The following ZNF678 variants were observed in gnomAD, a reference collection of about 807,000 sequenced individuals.
ZNF678 encodes zinc finger protein 678.
ZNF678 carries 5 observed loss-of-function variants against 3.0 expected under a neutral mutation model. The ratio of observed to expected loss-of-function variants is 1.69; its 90% confidence interval spans 0.88 to 3.56. ZNF678 has a LOEUF of 3.56. ZNF678 is among the 30% of genes most tolerant of loss of function. The pLI is 0.00. For missense variants in ZNF678, 593 were observed against 605.0 expected (o/e 0.98, Z 0.21); for synonymous variants, 218 against 199.6 (o/e 1.09, Z -0.78).
intron 5 of ZNF678, among the ~76,000 whole-genome samples, chr1:227,670,372 G>A (rs757044894): frequency 2.0e-5 from 3 of 152,206 alleles, no homozygotes; most frequent in Non-Finnish European, 4.4e-5. Context: ...AGAATAAAGT[G>A]TAATTTGAAC....
At chr1:227,607,974 A>G (rs1052003021) in intron 1 of ZNF678, among the ~76,000 whole-genome samples, 1 of 151,706 alleles carries the variant, frequency 6.6e-6, no homozygotes, top group African/African-American at 2.4e-5. Flanking sequence ...TTTATTAGAA[A>G]CATTGATTAG....
chr1:227,569,007 C>G (rs774453703), intron 1 of ZNF678, among the ~76,000 whole-genome samples: 23 of 152,168 alleles, frequency 1.5e-4, no homozygotes, highest in Non-Finnish European at 2.5e-4. Context: ...TCCAGGTGTC[C>G]TCCCAAGATG....
At chr1:227,641,629 G>A (rs1225620394) in intron 1 of ZNF678, among the ~76,000 whole-genome samples, 1 of 151,912 alleles carries the variant, frequency 6.6e-6, no homozygotes, top group East Asian at 1.9e-4. Context: ...CACTGTAAAG[G>A]GGCCTTTCTT....
At chr1:227,607,547 A>C (rs1657904866) in intron 1 of ZNF678, among the ~76,000 whole-genome samples, 1 of 151,796 alleles carries the variant, frequency 6.6e-6, no homozygotes, top group Non-Finnish European at 1.5e-5. Flanking sequence ...ATAACATTGT[A>C]AGTAAAGAAT....
chr1:227,650,855 A>G, intron 2 of ZNF678, 101 bp from the exon 3 acceptor site: 1 of 827,208 alleles, frequency 1.2e-6, no homozygotes, highest in Non-Finnish European at 1.9e-6. Flanking sequence ...ATGGCTTTCT[A>G]CATATAAGAT....
chr1:227,675,714 T>TG (rs908423241), intron 5 of ZNF678, among the ~76,000 whole-genome samples: 10 of 151,930 alleles, frequency 6.6e-5, no homozygotes, highest in African/African-American at 1.9e-4. Flanking sequence ...CTCCATATCC[T>TG]GGGGGGGTGG....
chr1:227,645,645 T>G (rs1447897400), intron 1 of ZNF678, among the ~76,000 whole-genome samples: 2 of 152,208 alleles, frequency 1.3e-5, no homozygotes, highest in Non-Finnish European at 2.9e-5. Flanking sequence ...GAGATGGATT[T>G]GGGTCCTTGG....
chr1:227,660,707 TAATTTCTCTGGCCTGGAAATTCAGTAGC>T lies in ZNF678; in HGVS notation c.*4881_*4908del, dbSNP rs1293352791. 1.3e-5 allele frequency: 2 copies of T among 152,184 alleles called. No individual in the cohort carries two copies. Among genetic ancestry groups the T allele is most frequent in the Non-Finnish European group, 2.9e-5 (2 of 68,020 alleles). The allele number at this position is 152,184 out of a possible 1,614,324, so 9.4% of individuals were successfully genotyped here. A position where few individuals can be genotyped will look rare whatever the true frequency, so the allele number is the denominator to read the frequency against. On this transcript the variant is annotated 3_prime_UTR_variant, in exon 4 of 4. Transcript: ENST00000343776. ...TTTGGTTGTCTTTGGTTTTGTTTTC[TAATTTCTCTGGCCTGGAAATTCAGTAGC>T]ATGTTAAATAAGAGTGATGAAGTTA... is the stretch of plus-strand genomic sequence containing the variant.
rs565887531 is a variant in ZNF678, at chr1:227,655,600, G to A, written c.1350G>A (p.Lys450=). 36 of 1,602,754 alleles carry A rather than the reference G, an allele frequency of 2.2e-5. No individual in the cohort carries two copies. In the South Asian group the frequency reaches 3.8e-4, roughly 17 times the overall value. Residue 450 remains lysine (K), a synonymous_variant, in exon 4 of 4, where the codon AAG becomes AAA. Transcript: ENST00000343776. ...TTTACCAATCCTCAATCCTTAGTAA[G>A]CATAAGAGAATTCATACTGAAGAGA... The part of the protein sequence containing the change: ...KAFYQSSILS[K]HKRIHTEEKP...
chr1:227,673,070 C>T (rs1223396506), intron 5 of ZNF678, among the ~76,000 whole-genome samples: 1 of 152,176 alleles, frequency 6.6e-6, no homozygotes, highest in East Asian at 1.9e-4. Context: ...GGCCCTCTCT[C>T]CACTTCCAAG....
rs186456147 is a variant in ZNF678, at chr1:227,582,192, A to T, written c.-164+18468A>T. Among the ~76,000 whole-genome samples the T allele has an allele frequency of 4.6e-3, 698 of 151,422 alleles. 4 individuals carry two copies. The highest frequency in any genetic ancestry group is 6.8e-3 in the Middle Eastern group (2 of 292). ...ATACACACGCACACACACACACACGAATATCTTCTTCCACTCTAGTTTTTT... is the reference window on the plus strand; with the variant it reads ...ATACACACGCACACACACACACACGTATATCTTCTTCCACTCTAGTTTTTT... On this transcript the variant is annotated intron_variant, in intron 1 of 3. Transcript: ENST00000343776.
intron 5 of ZNF678, among the ~76,000 whole-genome samples, chr1:227,670,108 T>C (rs1659574915): frequency 6.6e-6 from 1 of 152,168 alleles, no homozygotes; most frequent in South Asian, 2.1e-4. Context: ...GAAAACCAAA[T>C]ACCACGTGTT....
intron 1 of ZNF678, among the ~76,000 whole-genome samples, chr1:227,633,253 G>C (rs1474935326): frequency 6.6e-6 from 1 of 152,172 alleles, no homozygotes. Flanking sequence ...ACTTAATAGA[G>C]TGAAAACAGA....
intron 1 of ZNF678, chr1:227,598,818 CT>C (rs2102747204): frequency 1.8e-6 from 1 of 569,960 alleles, no homozygotes; most frequent in East Asian, 3.8e-5. Flanking sequence ...AGAAGAACTG[CT>C]GGAAGAATTA....
At chr1:227,650,234 T>C (rs1270254856) in intron 2 of ZNF678, among the ~76,000 whole-genome samples, 1 of 152,222 alleles carries the variant, frequency 6.6e-6, no homozygotes, top group Non-Finnish European at 1.5e-5. Flanking sequence ...TAGATATTCT[T>C]TTTGCCCAGC....
intron 1 of ZNF678, among the ~76,000 whole-genome samples, chr1:227,621,463 T>C (rs1480223430): frequency 6.6e-6 from 1 of 152,162 alleles, no homozygotes; most frequent in Non-Finnish European, 1.5e-5. Context: ...AGGAAGTTCA[T>C]ATATGTCTCC....
intron 1 of ZNF678, among the ~76,000 whole-genome samples, chr1:227,639,663 C>T (rs765165463): frequency 3.0e-4 from 45 of 152,022 alleles, no homozygotes; most frequent in Non-Finnish European, 5.7e-4. Context: ...GTCTCAAAAG[C>T]GGTGTCCAGA....
rs554153435 is a variant in ZNF678, at chr1:227,640,969, T to C, written c.-163-5575T>C. Among the ~76,000 whole-genome samples the C allele has an allele frequency of 2.6e-5, 4 of 152,372 alleles. No individual in the cohort carries two copies. In the East Asian group the frequency reaches 5.8e-4, roughly 22 times the overall value. On this transcript the variant is annotated intron_variant, in intron 1 of 3. Coordinates refer to ENST00000343776, the MANE Select transcript of ZNF678 (RefSeq NM_001367909.1). ...TAAGACCAGATGATCATTGAGTACC[T>C]GGCACACGCCAGAGCCTTCTTGGAC...
chr1:227,608,904 C>G (rs974800152), intron 1 of ZNF678, among the ~76,000 whole-genome samples: 1 of 152,006 alleles, frequency 6.6e-6, no homozygotes, highest in Non-Finnish European at 1.5e-5. Flanking sequence ...CTCAGACTTG[C>G]CCTCAGGTAA....
Sources: gnomAD v4.1 joint callset for allele counts (sites outside exome capture counted in the v4.1 genomes callset) on GRCh38, gnomAD v4.1.1 for gene constraint, MANE v1.5 for transcripts, NCBI Gene and HGNC (gene_info 2026-07-23, HGNC 2026-07-21) for gene names.